POC1B: variants seen among roughly 807,000 people sequenced by gnomAD.
The protein encoded by POC1B is POC1 centriolar protein B.
Under a neutral mutation model 60.6 loss-of-function variants are expected in POC1B, and 44 were observed. The observed-to-expected ratio is 0.73, with a 90% confidence interval of 0.57 to 0.93. The LOEUF (loss-of-function observed/expected upper bound fraction) is 0.93, where lower values mean the gene tolerates loss of function less well. Among genes scored for constraint, POC1B ranks in the 40% least tolerant of loss-of-function variants. The probability of loss-of-function intolerance (pLI) is 0.00; values close to 1 mark genes in which losing one functional copy is unlikely to be tolerated. For synonymous variants in POC1B, 180 were observed against 198.9 expected (o/e 0.90, Z 0.80); for missense variants, 555 against 572.3 (o/e 0.97, Z 0.31).
chr12:89,421,069 A>C lies in POC1B; in HGVS notation c.*84T>G. The C allele has an allele frequency of 1.0e-6, 1 of 992,732 alleles. No individual in the cohort carries two copies. Among genetic ancestry groups the C allele is most frequent in the Non-Finnish European group, 1.5e-6 (1 of 670,264 alleles). The allele number at this position is 992,732 out of a possible 1,614,324, so 61.5% of individuals were successfully genotyped here. ...AATAGCACATGGTTGTGTTGTATGG[A>C]GTATCTTGTACTACCTTCCTGAGTG... On this transcript the variant is annotated 3_prime_UTR_variant, in exon 12 of 12. Transcript: ENST00000313546.
intron 10 of POC1B, among the ~76,000 whole-genome samples, chr12:89,447,114 A>T (rs1881822386): frequency 6.6e-6 from 1 of 152,224 alleles, no homozygotes; most frequent in Admixed American, 6.5e-5. Flanking sequence ...GCTGCTCTCT[A>T]AATCAAAAGT....
At chr12:89,514,674 C>T (rs1042845714) in intron 2 of POC1B, among the ~76,000 whole-genome samples, 3 of 151,794 alleles carry the variant, frequency 2.0e-5, no homozygotes, top group Admixed American at 2.0e-4. Flanking sequence ...TCCCAAAGTG[C>T]TGGGATTGCA....
chr12:89,517,222 T>C (rs115225946), intron 2 of POC1B, among the ~76,000 whole-genome samples: 1 of 152,172 alleles, frequency 6.6e-6, no homozygotes, highest in Non-Finnish European at 1.5e-5. Context: ...CTACTCTCCT[T>C]TTAGTCCTTA....
At position 89,497,284 on chromosome 12, in the gene POC1B, A is replaced by C; in HGVS notation, c.159T>G (p.Ala53=). Residue 53 remains alanine (A), a synonymous_variant, in exon 3 of 12, where the codon GCT becomes GCG. Transcript: ENST00000313546. ...MLWNFKPHAR[A]YRYVGHKDVV... is the part of the protein sequence containing the mutation. ...CATCCTTGTGACCCACATATCTGTA[A>C]GCTCTAGCATGTGGCTTGAAATTCC... is the stretch of plus-strand genomic sequence containing the variant. 1.9e-6 allele frequency: 3 copies of C among 1,613,230 alleles called. No homozygotes were observed. The highest frequency in any genetic ancestry group is 2.5e-6 in the Non-Finnish European group (3 of 1,179,962).
chr12:89,458,648 C>A (rs528721493), intron 10 of POC1B, among the ~76,000 whole-genome samples: 3 of 152,214 alleles, frequency 2.0e-5, no homozygotes, highest in African/African-American at 7.2e-5. Context: ...CTGTAGAATT[C>A]CTCTACAATA....
chr12:89,505,347 T>C (rs1305629109), intron 2 of POC1B, among the ~76,000 whole-genome samples: 1 of 152,250 alleles, frequency 6.6e-6, no homozygotes, highest in Non-Finnish European at 1.5e-5. Context: ...GAAATTCTTA[T>C]GTATGGTTAG....
At chr12:89,437,800 C>T (rs1881333291) in intron 10 of POC1B, among the ~76,000 whole-genome samples, 1 of 152,084 alleles carries the variant, frequency 6.6e-6, no homozygotes, top group African/African-American at 2.4e-5. Flanking sequence ...GTAACCCCAG[C>T]ACTTTGGGAG....
chr12:89,436,056 T>C (rs1881252723), intron 10 of POC1B, among the ~76,000 whole-genome samples: 1 of 151,940 alleles, frequency 6.6e-6, no homozygotes, highest in South Asian at 2.1e-4. Flanking sequence ...GCGATTCTCT[T>C]GCCTCAGCCT....
At chr12:89,523,429 T>C (rs376027748) in intron 2 of POC1B, 16 of 1,613,898 alleles carry the variant, frequency 9.9e-6, no homozygotes, top group African/African-American at 9.3e-5. Context: ...CTGTAGGAAA[T>C]TGGGGCGAGC....
chr12:89,435,929 G>T lies in POC1B; in HGVS notation c.1114-10550C>A, dbSNP rs80356265. Among the ~76,000 whole-genome samples, 555 of 151,402 alleles carry T rather than the reference G, an allele frequency of 3.7e-3. 2 individuals are homozygous for T. The highest frequency in any genetic ancestry group is 0.011 in the African/African-American group (473 of 41,332). On this transcript the variant is annotated intron_variant, in intron 10 of 11. Transcript: ENST00000313546. The stretch of plus-strand genomic sequence containing the variant: ...AACATACACACAGATGAGTAAGCAG[G>T]AAGTTTTTTTCTTGTTTGTTTGTTT...
intron 1 of POC1B, chr12:89,525,420 C>CA: frequency 7.2e-7 from 1 of 1,383,210 alleles, no homozygotes; most frequent in East Asian, 2.9e-5. Context: ...GCAGAGCCCG[C>CA]AAAACGCTCT....
chr12:89,524,347 G>A, intron 2 of POC1B: 1 of 1,614,036 alleles, frequency 6.2e-7, no homozygotes, highest in African/African-American at 1.3e-5. Flanking sequence ...GGAATCTGCA[G>A]GGGGCTTCTT....
intron 2 of POC1B, among the ~76,000 whole-genome samples, chr12:89,511,723 G>C (rs1337958550): frequency 6.6e-6 from 1 of 152,056 alleles, no homozygotes; most frequent in Non-Finnish European, 1.5e-5. Flanking sequence ...ATATTTTTAA[G>C]AAAAGAAAAA....
chr12:89,466,585 T>C, intron 9 of POC1B, 185 bp downstream of exon 9: 1 of 488,132 alleles, frequency 2.0e-6, no homozygotes, highest in Admixed American at 4.0e-5. Context: ...GTTTTACTTC[T>C]GGGCCTTCAA....
At chr12:89,525,794 C>T (rs993718556) in intron 1 of POC1B, 87 bp downstream of exon 1, 42 of 1,380,910 alleles carry the variant, frequency 3.0e-5, no homozygotes, top group Non-Finnish European at 4.0e-5. Context: ...CATCTCCCTC[C>T]AGGTGCGGCT....
chr12:89,445,528 T>C (rs1261052431), intron 10 of POC1B, among the ~76,000 whole-genome samples: 1 of 152,184 alleles, frequency 6.6e-6, no homozygotes, highest in African/African-American at 2.4e-5. Context: ...ATTTAATAAA[T>C]GGTGCTGGGA....
At chr12:89,418,600 G>A (rs2120619599), downstream of POC1B, among the ~76,000 whole-genome samples, 1 of 152,248 alleles carries the variant, frequency 6.6e-6, no homozygotes, top group East Asian at 1.9e-4. Context: ...TTTGGGTCAT[G>A]GGGGTGGATC....
intron 10 of POC1B, among the ~76,000 whole-genome samples, chr12:89,458,842 T>C (rs1882361625): frequency 6.6e-6 from 1 of 152,214 alleles, no homozygotes; most frequent in African/African-American, 2.4e-5. Flanking sequence ...ACTAGCAGGA[T>C]CAACTGTGGC....
At chr12:89,471,860 T>A in intron 5 of POC1B, 131 bp from the exon 6 acceptor site, 1 of 593,692 alleles carries the variant, frequency 1.7e-6, no homozygotes. Context: ...CTCCGCCTCC[T>A]GGGTTCAAGT....
Sources: allele counts gnomAD v4.1 joint callset (sites outside exome capture counted in the v4.1 genomes callset), GRCh38; gene constraint gnomAD v4.1.1; transcripts MANE v1.5; gene names NCBI Gene and HGNC (gene_info 2026-07-23, HGNC 2026-07-21).